TCF7L1: variants seen among roughly 807,000 people sequenced by gnomAD.
TCF7L1 encodes the protein transcription factor 7-like 1.
Under a neutral mutation model 63.7 loss-of-function variants are expected in TCF7L1, and 18 were observed. The observed-to-expected ratio is 0.28, with a 90% CI of 0.20 to 0.42. The LOEUF (loss-of-function observed/expected upper bound fraction) is 0.42, where lower values mean the gene tolerates loss of function less well. TCF7L1 is among the 10% of genes least tolerant of loss of function. The pLI is 1.00. For missense variants in TCF7L1, 654 were observed against 779.3 expected (o/e 0.84, Z 1.91); for synonymous variants, 355 against 340.9 (o/e 1.04, Z -0.46).
At chr2:85,216,415 G>A (rs1010835305) in intron 3 of TCF7L1, among the ~76,000 whole-genome samples, 17 of 152,086 alleles carry the variant, frequency 1.1e-4, no homozygotes, top group African/African-American at 3.6e-4. Context: ...GGAACCTCGC[G>A]CCCTGCTGTG....
intron 4 of TCF7L1, among the ~76,000 whole-genome samples, chr2:85,294,180 G>A (rs1437130589): frequency 6.6e-6 from 1 of 151,810 alleles, no homozygotes; most frequent in Non-Finnish European, 1.5e-5. Context: ...GGGACTACAG[G>A]CACCCGCCAC....
chr2:85,226,922 TCTTG>T (rs1679968954), intron 3 of TCF7L1, among the ~76,000 whole-genome samples: 1 of 151,502 alleles, frequency 6.6e-6, no homozygotes, highest in Non-Finnish European at 1.5e-5. Flanking sequence ...GAACACAAGG[TCTTG>T]CTTCTAAGAC....
intron 3 of TCF7L1, among the ~76,000 whole-genome samples, chr2:85,268,974 G>C (rs1681079970): frequency 6.6e-6 from 1 of 152,054 alleles, no homozygotes; most frequent in Non-Finnish European, 1.5e-5. Flanking sequence ...GACTTGATGG[G>C]CTAGATGACA....
chr2:85,175,705 G>GA (rs1285548594), intron 3 of TCF7L1, among the ~76,000 whole-genome samples: 13 of 152,140 alleles, frequency 8.5e-5, no homozygotes, highest in Non-Finnish European at 1.9e-4. Flanking sequence ...AGTGAACAGA[G>GA]AAAAAAAGAA....
intron 3 of TCF7L1, among the ~76,000 whole-genome samples, chr2:85,155,181 T>C (rs1678114857): frequency 1.3e-5 from 2 of 152,194 alleles, no homozygotes; most frequent in Admixed American, 6.5e-5. Flanking sequence ...CTTGGTCGAA[T>C]GGGTACTTGG....
At chr2:85,265,461 C>A (rs1293203552) in intron 3 of TCF7L1, among the ~76,000 whole-genome samples, 2 of 152,216 alleles carry the variant, frequency 1.3e-5, no homozygotes, top group Non-Finnish European at 2.9e-5. Context: ...GGCGCCCAGA[C>A]CTTCCCCCAG....
At chr2:85,301,848 G>A (rs927436653) in intron 4 of TCF7L1, among the ~76,000 whole-genome samples, 5 of 152,160 alleles carry the variant, frequency 3.3e-5, no homozygotes, top group East Asian at 1.9e-4. Context: ...TTTCAGGGCC[G>A]GGCGCAGTGG....
intron 3 of TCF7L1, among the ~76,000 whole-genome samples, chr2:85,151,522 C>T (rs1468617116): frequency 1.3e-5 from 2 of 152,110 alleles, no homozygotes; most frequent in Non-Finnish European, 2.9e-5. Context: ...TTATCAGCAC[C>T]CACATCCTTT....
intron 3 of TCF7L1, chr2:85,262,065 G>A (rs1437330200): frequency 3.7e-6 from 2 of 535,664 alleles, no homozygotes; most frequent in South Asian, 1.4e-5. Context: ...TGTAGCAGAG[G>A]AATACCTCCT....
intron 3 of TCF7L1, among the ~76,000 whole-genome samples, chr2:85,208,598 TTCTA>T (rs1679469447): frequency 6.6e-6 from 1 of 152,208 alleles, no homozygotes; most frequent in African/African-American, 2.4e-5. Context: ...TCAGAGTGAA[TTCTA>T]TCTGTGTGTC....
At chr2:85,168,393 AGAGT>A (rs1678469558) in intron 3 of TCF7L1, among the ~76,000 whole-genome samples, 1 of 152,198 alleles carries the variant, frequency 6.6e-6, no homozygotes, top group Admixed American at 6.5e-5. Flanking sequence ...AAACAAAAAA[AGAGT>A]AAGTGTGGGA....
chr2:85,192,106 G>A (rs999998824), intron 3 of TCF7L1, among the ~76,000 whole-genome samples: 2 of 152,214 alleles, frequency 1.3e-5, no homozygotes, highest in Non-Finnish European at 2.9e-5. Flanking sequence ...CTGATGGCAG[G>A]TGCAGCCACA....
chr2:85,241,735 G>A (rs1486913119), intron 3 of TCF7L1, among the ~76,000 whole-genome samples: 2 of 152,000 alleles, frequency 1.3e-5, no homozygotes, highest in Non-Finnish European at 2.9e-5. Context: ...ATGAGCCATC[G>A]GGCCCAACCT....
In TCF7L1 at chr2:85,309,263, T is replaced by C; in HGVS notation, c.1568T>C (p.Leu523Pro). 1 of 1,613,890 alleles carries C rather than the reference T, an allele frequency of 6.2e-7. No individual in the cohort carries two copies. The highest frequency in any genetic ancestry group is 8.5e-7 in the Non-Finnish European group (1 of 1,179,990). The part of the protein sequence containing the change: ...AQLALHSAAF[L>P]SAKAAASSSG... ...CTGGCTCTCCACTCTGCCGCCTTCC[T>C]GTCGGCTAAGGCTGCAGCCTCCTCC... is the stretch of plus-strand genomic sequence containing the variant. The change falls in exon 12 of 12, where the codon CTG (leucine) becomes CCG (proline). Residue 523 changes from leucine to proline, a missense_variant. This residue lies in a region of TCF7L1 where 184 missense variants were observed against 204.0 expected (regional missense o/e 0.90). Transcript: ENST00000282111.
intron 3 of TCF7L1, among the ~76,000 whole-genome samples, chr2:85,218,236 T>TTTTA (rs139892042): frequency 0.18 from 27,494 of 149,262 alleles, 3,260 homozygotes; most frequent in African/African-American, 0.34. Flanking sequence ...ACTTTACTTA[T>TTTTA]TTTATTTATT....
chr2:85,169,691 A>G (rs1343871035), intron 3 of TCF7L1, among the ~76,000 whole-genome samples: 1 of 151,964 alleles, frequency 6.6e-6, no homozygotes, highest in African/African-American at 2.4e-5. Context: ...CCAAGGCTGT[A>G]TTTTTTGGTC....
At chr2:85,135,328 G>T (rs1404210230) in intron 3 of TCF7L1, among the ~76,000 whole-genome samples, 1 of 152,162 alleles carries the variant, frequency 6.6e-6, no homozygotes, top group African/African-American at 2.4e-5. Context: ...CTGCCCAGGT[G>T]CTGGGTCCGA....
intron 3 of TCF7L1, among the ~76,000 whole-genome samples, chr2:85,139,047 C>T (rs1350808208): frequency 1.3e-5 from 2 of 151,518 alleles, no homozygotes; most frequent in South Asian, 2.1e-4. Context: ...CTCACTCTGT[C>T]GCCCAGGCTG....
chr2:85,277,244 G>A (rs1012022249), intron 3 of TCF7L1, among the ~76,000 whole-genome samples: 2 of 152,164 alleles, frequency 1.3e-5, no homozygotes, highest in African/African-American at 4.8e-5. Flanking sequence ...GGCAAGAAAC[G>A]ACTGCAACTG....
Sources: allele counts gnomAD v4.1 joint callset (sites outside exome capture counted in the v4.1 genomes callset), GRCh38; gene constraint gnomAD v4.1.1; regional missense constraint gnomAD v4.1.1; transcripts MANE v1.5; gene names NCBI Gene and HGNC (gene_info 2026-07-23, HGNC 2026-07-21).